CDCA2: variants seen among roughly 807,000 people sequenced by gnomAD.
The protein encoded by CDCA2 is cell division cycle-associated protein 2.
In CDCA2, 44 loss-of-function variants were observed where a neutral mutation model predicts 67.0. The observed-to-expected ratio is 0.66, with a 90% CI of 0.52 to 0.84. The LOEUF (loss-of-function observed/expected upper bound fraction) is 0.84. Ranked by LOEUF, CDCA2 falls within the 40% of genes least tolerant of loss-of-function variation. The probability of loss-of-function intolerance (pLI) is 0.00; values close to 1 mark genes in which losing one functional copy is unlikely to be tolerated. For synonymous variants in CDCA2, 447 were observed against 418.7 expected (o/e 1.07, Z -0.82); for missense variants, 1,253 against 1,203.2 (o/e 1.04, Z -0.61).
At chr8:25,483,538 T>A in intron 9 of CDCA2, 52 bp downstream of exon 9, 1 of 1,268,724 alleles carries the variant, frequency 7.9e-7, no homozygotes, top group Non-Finnish European at 1.1e-6. Flanking sequence ...TTCATGTTAG[T>A]AAAACCTAGT....
At chr8:25,475,406 C>G (rs1478822969) in intron 7 of CDCA2, among the ~76,000 whole-genome samples, 2 of 152,184 alleles carry the variant, frequency 1.3e-5, no homozygotes, top group African/African-American at 2.4e-5. Flanking sequence ...GTAATCCCAG[C>G]TACTCAGGAG....
intron 6 of CDCA2, 137 bp downstream of exon 6, chr8:25,468,550 T>C (rs967677659): frequency 8.0e-6 from 4 of 500,406 alleles, no homozygotes; most frequent in Non-Finnish European, 1.4e-5. Flanking sequence ...TGTGTGTGTG[T>C]GTGTGTGCGT....
intron 8 of CDCA2, 37 bp downstream of exon 8, chr8:25,480,161 A>G: frequency 1.3e-6 from 2 of 1,529,720 alleles, no homozygotes; most frequent in Non-Finnish European, 1.8e-6. Flanking sequence ...GCAAATGAAT[A>G]AAAATGCATT....
chr8:25,480,406 C>T (rs1439894548), intron 8 of CDCA2, among the ~76,000 whole-genome samples: 1 of 151,978 alleles, frequency 6.6e-6, no homozygotes, highest in African/African-American at 2.4e-5. Flanking sequence ...ATTGCACTAA[C>T]ATAATTATAT....
Position 25,484,113 on chromosome 8 carries a change from A to G in CDCA2, c.1268A>G (p.Lys423Arg), listed in dbSNP as rs776570049. 1.9e-6 allele frequency: 3 copies of G among 1,614,078 alleles called. No homozygotes were observed. The highest frequency in any genetic ancestry group is 2.5e-6 in the Non-Finnish European group (3 of 1,180,042). ...CGTAAAGGAGGAACACCTGTTTGTAAAAAAGACTTCAGTGGTCTCAGTTCC... is the reference window on the plus strand; with the variant it reads ...CGTAAAGGAGGAACACCTGTTTGTAGAAAAGACTTCAGTGGTCTCAGTTCC... Reference protein sequence around the residue: ...PLRKGGTPVCKKDFSGLSSLL... With the variant: ...PLRKGGTPVCRKDFSGLSSLL... The change falls in exon 10 of 15, where the codon AAA (lysine) becomes AGA (arginine). Residue 423 changes from lysine (K) to arginine (R), a missense_variant. Transcript: ENST00000330560.
intron 7 of CDCA2, among the ~76,000 whole-genome samples, chr8:25,473,279 G>A (rs1179221967): frequency 6.6e-6 from 1 of 152,154 alleles, no homozygotes; most frequent in East Asian, 1.9e-4. Flanking sequence ...TTTCATTGAT[G>A]AGAATGATGT....
chr8:25,491,120 T>A (rs990736978), intron 13 of CDCA2, among the ~76,000 whole-genome samples: 1 of 152,052 alleles, frequency 6.6e-6, no homozygotes, highest in Non-Finnish European at 1.5e-5. Context: ...AATTTAGTAG[T>A]TGGACAAAAG....
chr8:25,467,058 AAAAAAAAAC>A (rs1210703446), intron 5 of CDCA2, among the ~76,000 whole-genome samples: 2 of 141,632 alleles, frequency 1.4e-5, no homozygotes, highest in African/African-American at 2.8e-5. Context: ...AAAAAAAAAA[AAAAAAAAAC>A]ACACACACAC....
intron 8 of CDCA2, among the ~76,000 whole-genome samples, chr8:25,480,890 G>A (rs1803542444): frequency 6.6e-6 from 1 of 152,006 alleles, no homozygotes; most frequent in Non-Finnish European, 1.5e-5. Context: ...ATGTAAAGTT[G>A]GTAACTACTT....
chr8:25,474,870 C>T (rs542714021), intron 7 of CDCA2, among the ~76,000 whole-genome samples: 3 of 151,922 alleles, frequency 2.0e-5, no homozygotes, highest in South Asian at 2.1e-4. Flanking sequence ...TGTGTGGATT[C>T]GGGCTTGCCT....
intron 7 of CDCA2, among the ~76,000 whole-genome samples, chr8:25,476,545 G>C (rs1803356031): frequency 6.6e-6 from 1 of 151,352 alleles, no homozygotes; most frequent in African/African-American, 2.4e-5. Flanking sequence ...CCTAGGGCCA[G>C]CCTCTTTTTT....
At position 25,460,389 on chromosome 8, in the gene CDCA2, G is replaced by T; in HGVS notation, c.67G>T (p.Ala23Ser). 3.7e-6 allele frequency: 6 copies of T among 1,614,178 alleles called. No homozygotes were observed. The highest frequency in any genetic ancestry group is 5.1e-6 in the Non-Finnish European group (6 of 1,180,032). ...KESAMNNAGNASFILGTGKIV... is the reference protein window; with the variant it reads ...KESAMNNAGNSSFILGTGKIV... ...CAATATGTCGTCCGTTTCAGGAAAT[G>T]CCTCTTTCATTTTGGGAACTGGGAA... The change falls in exon 3 of 15, where the codon GCC becomes TCC. Residue 23 changes from alanine (A) to serine (S), a missense_variant. Ala to Ser is a moderately conservative substitution (Grantham distance 99, BLOSUM62 1). Transcript: ENST00000330560.
chr8:25,478,178 C>T (rs970626639), intron 7 of CDCA2, among the ~76,000 whole-genome samples: 13 of 152,086 alleles, frequency 8.5e-5, no homozygotes, highest in Non-Finnish European at 1.3e-4. Context: ...TTCCATTCCA[C>T]CTTGGTCTCT....
chr8:25,469,053 C>G (rs376455290), intron 6 of CDCA2, among the ~76,000 whole-genome samples: 1 of 152,192 alleles, frequency 6.6e-6, no homozygotes, highest in Non-Finnish European at 1.5e-5. Flanking sequence ...CCTGCGCGCA[C>G]GCGTGAATGG....
At chr8:25,469,630 A>G (rs1426130749) in intron 6 of CDCA2, among the ~76,000 whole-genome samples, 1 of 152,196 alleles carries the variant, frequency 6.6e-6, no homozygotes, top group African/African-American at 2.4e-5. Flanking sequence ...TTCCTGGGGA[A>G]TTAAAAGTTG....
intron 7 of CDCA2, among the ~76,000 whole-genome samples, chr8:25,475,286 C>T (rs1362216483): frequency 6.6e-6 from 1 of 152,056 alleles, no homozygotes; most frequent in African/African-American, 2.4e-5. Context: ...TTCAGGAGGC[C>T]GAGGCAGGCA....
At chr8:25,466,099 T>A in intron 4 of CDCA2, 76 bp from the exon 5 acceptor site, 1 of 1,392,362 alleles carries the variant, frequency 7.2e-7, no homozygotes, top group Non-Finnish European at 9.8e-7. Flanking sequence ...TAATTTTGGA[T>A]TCAATGGCTG....
chr8:25,477,299 A>G (rs1222256390), intron 7 of CDCA2, among the ~76,000 whole-genome samples: 5 of 152,126 alleles, frequency 3.3e-5, no homozygotes, highest in African/African-American at 1.2e-4. Flanking sequence ...TTTCCCTTGC[A>G]TCACTGACCA....
chr8:25,495,672 G>T (rs546724226), intron 13 of CDCA2, among the ~76,000 whole-genome samples: 1 of 151,988 alleles, frequency 6.6e-6, no homozygotes. Flanking sequence ...CGCCCACCTC[G>T]GCCTCCCAAA....
Sources: gnomAD v4.1 joint callset for allele counts (sites outside exome capture counted in the v4.1 genomes callset) on GRCh38, gnomAD v4.1.1 for gene constraint, MANE v1.5 for transcripts, NCBI Gene and HGNC (gene_info 2026-07-23, HGNC 2026-07-21) for gene names.